The following SYNRG variants were observed in gnomAD, a reference collection of about 807,000 sequenced individuals.
The protein encoded by SYNRG is AP1 gamma subunit binding protein 1.
A neutral mutation model predicts 130.9 loss-of-function variants in SYNRG; 37 were observed. That is an observed-to-expected ratio of 0.28 (90% confidence interval 0.22 to 0.37). SYNRG has a LOEUF of 0.37. Ranked by LOEUF, SYNRG falls within the 10% of genes least tolerant of loss-of-function variation. SYNRG has a pLI of 1.00. For synonymous variants in SYNRG, 539 were observed against 568.1 expected (o/e 0.95, Z 0.73); for missense variants, 1,338 against 1,588.9 (o/e 0.84, Z 2.68).
intron 8 of SYNRG, among the ~76,000 whole-genome samples, chr17:37,574,149 C>T (rs1276927032): frequency 6.6e-6 from 1 of 152,080 alleles, no homozygotes; most frequent in African/African-American, 2.4e-5. Flanking sequence ...GTGCCAAGAA[C>T]ATACATTGGG....
chr17:37,600,515 C>A, intron 1 of SYNRG, 112 bp from the exon 2 acceptor site: 1 of 1,019,814 alleles, frequency 9.8e-7, no homozygotes, highest in South Asian at 1.4e-5. Flanking sequence ...GGTGTTTGTT[C>A]TGCACCACAA....
chr17:37,602,324 T>C (rs2063359065), intron 1 of SYNRG, among the ~76,000 whole-genome samples: 1 of 145,882 alleles, frequency 6.9e-6, no homozygotes, highest in Non-Finnish European at 1.5e-5. Context: ...GCAACAAGAG[T>C]GAAACTCCGT....
intron 10 of SYNRG, among the ~76,000 whole-genome samples, chr17:37,569,412 A>T (rs1271510006): frequency 6.6e-6 from 1 of 150,488 alleles, no homozygotes; most frequent in Admixed American, 6.6e-5. Context: ...TCTGGCTGAA[A>T]AAAAAAAAAA....
chr17:37,537,344 G>C (rs1252946624), intron 18 of SYNRG: 1 of 152,462 alleles, frequency 6.6e-6, no homozygotes, highest in South Asian at 2.1e-4. Flanking sequence ...AAAACAACAA[G>C]TAGCTAGGTG....
intron 14 of SYNRG, among the ~76,000 whole-genome samples, chr17:37,549,888 G>A (rs536320559): frequency 5.9e-5 from 9 of 152,080 alleles, no homozygotes; most frequent in Non-Finnish European, 1.2e-4. Flanking sequence ...CACCGTGCCC[G>A]GATGAGTACC....
chr17:37,518,790 G>T lies in SYNRG; in HGVS notation c.*150C>A, dbSNP rs1045013. The T allele has an allele frequency of 2.2e-5, 22 of 1,008,696 alleles. No homozygotes were observed. The highest frequency in any genetic ancestry group is 3.1e-5 in the Non-Finnish European group (22 of 702,770). The allele number at this position is 1,008,696 out of a possible 1,614,324, so 62.5% of individuals were successfully genotyped here. On this transcript the variant is annotated 3_prime_UTR_variant, in exon 22 of 22. Transcript: ENST00000612223. ...TTACCTGAAGTCCTGCAGACTGGCC[G>T]TGGGGATGACGGGGGCCCCGTCCCT...
At chr17:37,606,810 T>C (rs1258965543) in intron 1 of SYNRG, among the ~76,000 whole-genome samples, 2 of 152,192 alleles carry the variant, frequency 1.3e-5, no homozygotes, top group Non-Finnish European at 2.9e-5. Context: ...TCTTAGAATA[T>C]AGAGAAGTAT....
intron 1 of SYNRG, among the ~76,000 whole-genome samples, chr17:37,605,089 C>G (rs925512164): frequency 6.6e-6 from 1 of 152,200 alleles, no homozygotes; most frequent in African/African-American, 2.4e-5. Context: ...GAAGTGAACA[C>G]AGGCTGTGGA....
At position 37,553,429 on chromosome 17, in the gene SYNRG, T is replaced by C. The variant is rs1415410592; in HGVS notation, c.2294A>G (p.Asp765Gly). 4 of 1,614,108 alleles carry C rather than the reference T, an allele frequency of 2.5e-6. No individual in the cohort carries two copies. The highest frequency in any genetic ancestry group is 3.4e-6 in the Non-Finnish European group (4 of 1,180,040). The stretch of plus-strand genomic sequence containing the variant: ...ATCACTTTTTCCTGAAGGAGTGTTA[T>C]CTTTCAGGTCTTCAACACCTAGTCC... The part of the protein sequence containing the change: ...GSGLGVEDLK[D>G]NTPSGKSDDD... Residue 765 changes from aspartate to glycine, a missense_variant, in exon 14 of 22, where the codon GAT becomes GGT. Physicochemically the swap from Asp to Gly is moderately conservative, Grantham distance 94. Transcript: ENST00000612223.
rs752027324 is a variant in SYNRG at position 37,586,407 on chromosome 17, G to T, written c.371+12C>A. The T allele has an allele frequency of 1.2e-5, 20 of 1,613,674 alleles. No homozygotes were observed. In the South Asian group the frequency reaches 2.2e-4, roughly 18 times the overall value. ...GTATCTTTGTTATCCTTTAATTCTG[G>T]TGATCTCTTACTGCTGCTCTTCGGC... On this transcript the variant is annotated intron_variant, in intron 4 of 21. Transcript: ENST00000612223.
chr17:37,543,926 A>T lies in SYNRG; in HGVS notation c.2609-1361T>A, dbSNP rs372211860. On this transcript the variant is annotated intron_variant, in intron 14 of 21. Coordinates refer to ENST00000612223, the MANE Select transcript of SYNRG (RefSeq NM_007247.6). ...CAAATATGAGACTCTCCCTCTGACA[A>T]CCACATATGTGATTTACAAGGAAAG... 4.4e-4 allele frequency among the ~76,000 whole-genome samples: 67 copies of T among 152,382 alleles called. 1 individual carries two copies. In the East Asian group the frequency reaches 0.01, roughly 24 times the overall value.
intron 3 of SYNRG, among the ~76,000 whole-genome samples, chr17:37,592,878 A>G (rs386796869): frequency 5.8e-4 from 89 of 152,230 alleles, no homozygotes; most frequent in African/African-American, 2.0e-3. Flanking sequence ...GTGTTACTAT[A>G]TTTCTACAAG....
chr17:37,600,479 G>A (rs760089841), intron 1 of SYNRG, 76 bp from the exon 2 acceptor site: 2 of 1,435,748 alleles, frequency 1.4e-6, no homozygotes, highest in Non-Finnish European at 1.9e-6. Flanking sequence ...TTTTTTATAT[G>A]GATAAAAGAC....
intron 1 of SYNRG, among the ~76,000 whole-genome samples, chr17:37,601,358 C>T (rs1198955652): frequency 1.3e-5 from 2 of 152,010 alleles, no homozygotes; most frequent in Admixed American, 6.6e-5. Context: ...TGTGAGCCAC[C>T]GCACCTGGTC....
chr17:37,589,478 C>T (rs1368046020), intron 3 of SYNRG, among the ~76,000 whole-genome samples: 5 of 151,970 alleles, frequency 3.3e-5, no homozygotes, highest in African/African-American at 9.7e-5. Flanking sequence ...GGGCCGGGCG[C>T]GGTGGCTCAC....
At chr17:37,579,579 T>C (rs901628881) in intron 6 of SYNRG, 6 of 554,294 alleles carry the variant, frequency 1.1e-5, no homozygotes, top group African/African-American at 8.1e-5. Flanking sequence ...AATAGTCAAA[T>C]GGAATTGCAT....
intron 19 of SYNRG, among the ~76,000 whole-genome samples, chr17:37,528,864 A>G (rs1217441810): frequency 6.6e-6 from 1 of 152,260 alleles, no homozygotes; most frequent in African/African-American, 2.4e-5. Flanking sequence ...AGCAGTTATC[A>G]AGGGTACAAT....
intron 6 of SYNRG, among the ~76,000 whole-genome samples, chr17:37,582,041 G>A (rs574321982): frequency 6.6e-6 from 1 of 152,178 alleles, no homozygotes; most frequent in African/African-American, 2.4e-5. Context: ...GGGATTATAG[G>A]CTTGAGCAAC....
Position 37,540,500 on chromosome 17 carries a change from G to A in SYNRG, c.3246C>T (p.Ser1082=), listed in dbSNP as rs774626384. 2 of 1,613,916 alleles carry A rather than the reference G, an allele frequency of 1.2e-6. No individual in the cohort carries two copies. Among genetic ancestry groups the A allele is most frequent in the African/African-American group, 2.7e-5 (2 of 74,846 alleles). ...RSLSLGDKEI[S]RSSPSPALEQ... ...CCAAAGCTGGAGAAGGAGAAGAACG[G>A]CTTATTTCTTTATCACCAAGGCTCA... Residue 1082 remains serine (S), a synonymous_variant, in exon 16 of 22, where the codon AGC becomes AGT. Transcript: ENST00000612223.
Sources: allele counts gnomAD v4.1 joint callset (sites outside exome capture counted in the v4.1 genomes callset), GRCh38; gene constraint gnomAD v4.1.1; transcripts MANE v1.5; gene names NCBI Gene and HGNC (gene_info 2026-07-23, HGNC 2026-07-21).